TYR: variants seen among roughly 807,000 people sequenced by gnomAD.
TYR encodes the protein LB24-AB.
Under a neutral mutation model 51.5 loss-of-function variants are expected in TYR, and 58 were observed. That is an observed-to-expected ratio of 1.13 (90% confidence interval 0.91 to 1.40). TYR has a LOEUF of 1.40. Ranked by LOEUF, TYR falls within the 40% of genes most tolerant of loss-of-function variation. TYR has a pLI of 0.00. For synonymous variants in TYR, 263 were observed against 235.2 expected (o/e 1.12, Z -1.08); for missense variants, 732 against 647.4 (o/e 1.13, Z -1.42).
chr11:89,262,658 G>C (rs1173413500), intron 3 of TYR, among the ~76,000 whole-genome samples: 1 of 141,482 alleles, frequency 7.1e-6, no homozygotes, highest in Admixed American at 7.2e-5. Context: ...ATGAAAGAGG[G>C]GACATTACTA....
intron 4 of TYR, among the ~76,000 whole-genome samples, chr11:89,289,168 C>T (rs189891851): frequency 1.1e-4 from 16 of 152,086 alleles, no homozygotes; most frequent in Middle Eastern, 3.4e-3. Context: ...TTACTTTCTA[C>T]GTAGCAGAAA....
rs180827071 is a variant in TYR, at chr11:89,210,988, G to A, written c.1037-16835G>A. 4.0e-3 allele frequency among the ~76,000 whole-genome samples: 602 copies of A among 152,220 alleles called. 5 individuals carry two copies. The highest frequency in any genetic ancestry group is 0.014 in the African/African-American group (575 of 41,526). On this transcript the variant is annotated intron_variant, in intron 2 of 4. Transcript: ENST00000263321. The stretch of plus-strand genomic sequence containing the variant: ...CACTAAACATGAAAAGGAACAACGG[G>A]TACCAGACACTGCAAAAACACACCA...
At chr11:89,235,617 A>T (rs1219351460) in intron 3 of TYR, among the ~76,000 whole-genome samples, 1 of 152,126 alleles carries the variant, frequency 6.6e-6, no homozygotes, top group Non-Finnish European at 1.5e-5. Context: ...AATCTAAAAA[A>T]CTTTGAACTC....
At chr11:89,185,263 A>G (rs1448592951) in intron 1 of TYR, among the ~76,000 whole-genome samples, 2 of 152,122 alleles carry the variant, frequency 1.3e-5, no homozygotes, top group East Asian at 1.9e-4. Flanking sequence ...ATGTATATGG[A>G]GATATCTCCC....
At chr11:89,256,338 T>C (rs2135303435) in intron 3 of TYR, among the ~76,000 whole-genome samples, 1 of 151,926 alleles carries the variant, frequency 6.6e-6, no homozygotes, top group Non-Finnish European at 1.5e-5. Flanking sequence ...ATATACTCTA[T>C]AATTACTAGG....
intron 3 of TYR, among the ~76,000 whole-genome samples, chr11:89,272,321 T>A (rs931397875): frequency 6.6e-6 from 1 of 151,938 alleles, no homozygotes. Context: ...GAAAGCAATA[T>A]TCATCTCCTT....
chr11:89,190,826 T>C (rs1260819527), intron 1 of TYR, among the ~76,000 whole-genome samples: 2 of 152,134 alleles, frequency 1.3e-5, no homozygotes, highest in African/African-American at 4.8e-5. Context: ...ATTTTTACTG[T>C]ACCTTTTACA....
intron 3 of TYR, among the ~76,000 whole-genome samples, chr11:89,228,449 A>G (rs1944003996): frequency 6.6e-6 from 1 of 152,146 alleles, no homozygotes; most frequent in South Asian, 2.1e-4. Flanking sequence ...AGGCTTCAGG[A>G]GAAAGTTGTT....
chr11:89,246,127 C>A (rs1944265195), intron 3 of TYR, among the ~76,000 whole-genome samples: 1 of 149,640 alleles, frequency 6.7e-6, no homozygotes, highest in Admixed American at 6.7e-5. Context: ...GGAACTGAGA[C>A]CGAGGTATAA....
chr11:89,214,579 G>A (rs1244507742), intron 2 of TYR, among the ~76,000 whole-genome samples: 4 of 152,130 alleles, frequency 2.6e-5, no homozygotes, highest in South Asian at 4.1e-4. Flanking sequence ...ACACATGCAC[G>A]TGTATGTTTA....
chr11:89,268,226 A>G (rs1944549106), intron 3 of TYR, among the ~76,000 whole-genome samples: 1 of 151,974 alleles, frequency 6.6e-6, no homozygotes, highest in South Asian at 2.1e-4. Context: ...AATACCTGGC[A>G]TACAGTGGTA....
At chr11:89,272,755 T>C (rs1176157396) in intron 3 of TYR, among the ~76,000 whole-genome samples, 1 of 151,976 alleles carries the variant, frequency 6.6e-6, no homozygotes, top group Non-Finnish European at 1.5e-5. Context: ...TCATCTCTTA[T>C]CTTAACAAGA....
In TYR at chr11:89,295,098, C is replaced by G. The variant is rs368822178; in HGVS notation, c.1367-45C>G. 81 of 1,606,648 alleles carry G rather than the reference C, an allele frequency of 5.0e-5. No homozygotes were observed. In the African/African-American group the frequency reaches 9.9e-4, roughly 20 times the overall value. ...AGGATGAAGATGATGGTGATCGTAA[C>G]AATGGTGGTAACAATAAAAACAATG... On this transcript the variant is annotated intron_variant, in intron 4 of 4. Transcript: ENST00000263321.
At chr11:89,224,279 A>T (rs1390665159) in intron 2 of TYR, among the ~76,000 whole-genome samples, 1 of 152,146 alleles carries the variant, frequency 6.6e-6, no homozygotes, top group Non-Finnish European at 1.5e-5. Flanking sequence ...TTTGCACCAG[A>T]TCTGTACTAG....
chr11:89,292,308 A>G (rs977959594), intron 4 of TYR, among the ~76,000 whole-genome samples: 9 of 152,066 alleles, frequency 5.9e-5, no homozygotes, highest in African/African-American at 2.2e-4. Context: ...CAGATTCTAG[A>G]ATTATATCAA....
At chr11:89,232,820 T>C (rs1325224238) in intron 3 of TYR, among the ~76,000 whole-genome samples, 2 of 143,882 alleles carry the variant, frequency 1.4e-5, no homozygotes, top group Admixed American at 1.4e-4. Context: ...TTAAAAATAC[T>C]TTACTGCTAG....
In TYR at chr11:89,295,501, T is replaced by A. The variant is rs1944898764; in HGVS notation, c.*135T>A. 4 of 1,175,182 alleles carry A rather than the reference T, an allele frequency of 3.4e-6. No individual in the cohort carries two copies. Among genetic ancestry groups the A allele is most frequent in the African/African-American group, 3.0e-5 (2 of 65,726 alleles). The allele number at this position is 1,175,182 out of a possible 1,614,324, so 72.8% of individuals were successfully genotyped here. A position where few individuals can be genotyped will look rare whatever the true frequency, so the allele number is the denominator to read the frequency against. On this transcript the variant is annotated 3_prime_UTR_variant, in exon 5 of 5. Coordinates refer to ENST00000263321, the MANE Select transcript of TYR (RefSeq NM_000372.5). Reference sequence around the variant, plus strand: ...CAAAATTGTAACCTAATACAAAGTGTAGCCTTCTTCCAACTCAGGTAGAAC... The same window carrying A: ...CAAAATTGTAACCTAATACAAAGTGAAGCCTTCTTCCAACTCAGGTAGAAC...
intron 2 of TYR, among the ~76,000 whole-genome samples, chr11:89,204,735 G>C (rs1254507383): frequency 6.6e-6 from 1 of 151,010 alleles, no homozygotes; most frequent in African/African-American, 2.4e-5. Flanking sequence ...GATTTAATAA[G>C]ATCTGTAGTC....
At chr11:89,208,385 C>A (rs1368780387) in intron 2 of TYR, among the ~76,000 whole-genome samples, 1 of 152,126 alleles carries the variant, frequency 6.6e-6, no homozygotes, top group East Asian at 1.9e-4. Context: ...TTCAGTCAAG[C>A]AAGGAGCAAT....
Sources: allele counts gnomAD v4.1 joint callset (sites outside exome capture counted in the v4.1 genomes callset), GRCh38; gene constraint gnomAD v4.1.1; transcripts MANE v1.5; gene names NCBI Gene and HGNC (gene_info 2026-07-23, HGNC 2026-07-21).